Variants in ARHGEF16 observed in about 807,000 individuals in gnomAD.
The protein encoded by ARHGEF16 is Rho guanine exchange factor (GEF) 16.
A neutral mutation model predicts 74.1 loss-of-function variants in ARHGEF16; 59 were observed. That is an observed-to-expected ratio of 0.80 (90% confidence interval 0.65 to 0.99). The LOEUF is 0.99. Ranked by LOEUF, ARHGEF16 falls within the 50% of genes least tolerant of loss-of-function variation. ARHGEF16 has a pLI of 0.00. For synonymous variants in ARHGEF16, 415 were observed against 412.6 expected, an observed-to-expected ratio of 1.01 and a Z score of -0.07; for missense variants, 948 against 986.6, an observed-to-expected ratio of 0.96 and a Z score of 0.52.
chr1:3,456,379 T>A (rs966050553), intron 1 of ARHGEF16, among the ~76,000 whole-genome samples: 1 of 152,116 alleles, frequency 6.6e-6, no homozygotes, highest in Admixed American at 6.5e-5. Context: ...GGGTCTGAGT[T>A]TTAGTTTTGG....
chr1:3,479,510 T>A lies in ARHGEF16; in HGVS notation c.1815-7T>A. On this transcript the variant is annotated splice_region_variant and splice_polypyrimidine_tract_variant and intron_variant, in intron 12 of 14. Transcript: ENST00000378378. ...CAGGCCTGGCTCATGCTGTCTCTGG[T>A]CCCCAGGAGTGACCGGGCACGGTGG... 1.9e-6 allele frequency: 3 copies of A among 1,612,258 alleles called. No individual in the cohort carries two copies. The highest frequency in any genetic ancestry group is 2.5e-6 in the Non-Finnish European group (3 of 1,179,746).
chr1:3,469,685 GA>G, intron 6 of ARHGEF16, 92 bp downstream of exon 6: 1 of 1,519,314 alleles, frequency 6.6e-7, no homozygotes, highest in Non-Finnish European at 8.9e-7. Flanking sequence ...AGGCCCCTGG[GA>G]GCCTGCGCTG....
At position 3,467,244 on chromosome 1, in the gene ARHGEF16, G is replaced by A. The variant is rs1260665399; in HGVS notation, c.711G>A (p.Glu237=). The A allele has an allele frequency of 4.5e-6, 7 of 1,550,406 alleles. No homozygotes were observed. Among genetic ancestry groups the A allele is most frequent in the Non-Finnish European group, 6.1e-6 (7 of 1,146,878 alleles). ...SQESDDDILD[E]SSSPEGTQKV... ...AGTCTGATGACGACATCCTCGATGA[G>A]TCCTCCAGCCCCGAGGGAACCCAGA... The change falls in exon 4 of 15, where the codon GAG becomes GAA. Residue 237 remains glutamate (E), a synonymous_variant. Transcript: ENST00000378378.
chr1:3,463,886 G>A (rs577846347), intron 2 of ARHGEF16, among the ~76,000 whole-genome samples: 11 of 152,374 alleles, frequency 7.2e-5, no homozygotes, highest in Admixed American at 3.9e-4. Context: ...CGGAAAGGTC[G>A]AGGGTTCTAC....
At position 3,478,357 on chromosome 1, in the gene ARHGEF16, C is replaced by A. The variant is rs565332679; in HGVS notation, c.1626-67C>A. On this transcript the variant is annotated intron_variant, in intron 11 of 14. Coordinates refer to ENST00000378378, the MANE Select transcript of ARHGEF16 (RefSeq NM_014448.4). The stretch of plus-strand genomic sequence containing the variant: ...GCAGGGGAGCCGGGTGGGACCTGGA[C>A]GGGAGCCCAGCAGCACTGGGTAGGA... The A allele has an allele frequency of 2.7e-5, 41 of 1,503,064 alleles. No homozygotes were observed. The African/African-American group carries it at 5.7e-4, about 21-fold the overall frequency. 93.1% of individuals were successfully genotyped at this position (1,503,064 alleles called of 1,614,324 possible).
Position 3,463,297 on chromosome 1 carries a change from C to A in ARHGEF16, c.213C>A (p.Ile71=), listed in dbSNP as rs769716607. The change falls in exon 2 of 15, where the codon ATC becomes ATA. Residue 71 remains isoleucine (I), a synonymous_variant. Transcript: ENST00000378378. ...RPPGHEEPWP[I]VLSTESPAAL... ...CGGGGCACGAGGAGCCATGGCCCATCGTCCTGAGCACAGAGAGCCCGGCGG... is the reference window on the plus strand; with the variant it reads ...CGGGGCACGAGGAGCCATGGCCCATAGTCCTGAGCACAGAGAGCCCGGCGG... 6.5e-7 allele frequency: 1 copy of A among 1,550,180 alleles called. No homozygotes were observed. The highest frequency in any genetic ancestry group is 2.0e-5 in the Admixed American group (1 of 51,004).
intron 3 of ARHGEF16, chr1:3,466,837 A>ACCT: frequency 4.0e-6 from 1 of 249,504 alleles, no homozygotes; most frequent in Non-Finnish European, 7.7e-6. Flanking sequence ...TGGGCCCAGG[A>ACCT]GGGGGTACCC....
In ARHGEF16 at chr1:3,463,094, C is replaced by T. The variant is rs923250954; in HGVS notation, c.10C>T (p.Arg4Trp). 18 of 1,454,762 alleles carry T rather than the reference C, an allele frequency of 1.2e-5. No homozygotes were observed. Among genetic ancestry groups the T allele is most frequent in the East Asian group, 2.5e-5 (1 of 39,960 alleles). The allele number at this position is 1,454,762 out of a possible 1,614,324, so 90.1% of individuals were successfully genotyped here. A position where few individuals can be genotyped will look rare whatever the true frequency, so the allele number is the denominator to read the frequency against. Residue 4 changes from arginine to tryptophan, a missense_variant, in exon 2 of 15, where the codon CGG (arginine) becomes TGG (tryptophan). Physicochemically the swap from Arg to Trp is moderately radical, Grantham distance 101 (BLOSUM62 -3). Coordinates refer to ENST00000378378, the MANE Select transcript of ARHGEF16 (RefSeq NM_014448.4). MAQ[R>W]HSDSSLEEKL... ...CCCACAGCCGCCCAGCATGGCCCAG[C>T]GGCACTCAGACAGCTCCTTGGAGGA... is the stretch of plus-strand genomic sequence containing the variant.
Position 3,461,645 on chromosome 1 carries a change from G to A in ARHGEF16, c.-19-1421G>A, listed in dbSNP as rs560480793. On this transcript the variant is annotated intron_variant, in intron 1 of 14. Coordinates refer to ENST00000378378, the MANE Select transcript of ARHGEF16 (RefSeq NM_014448.4). ...GTGAAAGCTCACTGTGGGCCTGACCGCTGTGGCCGAGCAATGCGCCGTCAC... is the reference window on the plus strand; with the variant it reads ...GTGAAAGCTCACTGTGGGCCTGACCACTGTGGCCGAGCAATGCGCCGTCAC... Among the ~76,000 whole-genome samples the A allele has an allele frequency of 1.3e-3, 197 of 152,320 alleles. 1 individual carries two copies. Among genetic ancestry groups the A allele is most frequent in the Non-Finnish European group, 2.3e-3 (159 of 68,024 alleles).
chr1:3,466,291 C>T (rs1639541727), intron 3 of ARHGEF16, 98 bp downstream of exon 3: 9 of 1,323,724 alleles, frequency 6.8e-6, no homozygotes, highest in South Asian at 2.8e-5. Context: ...TTTGGTGTCT[C>T]GGGGTCACCA....
Position 3,463,325 on chromosome 1 carries a change from C to T in ARHGEF16, c.241C>T (p.Leu81Phe). ...CCTGAGCACAGAGAGCCCGGCGGCC[C>T]TCAAGCTGGGCACCCAACAGCTGAT... ...IVLSTESPAA[L>F]KLGTQQLIPK... The change falls in exon 2 of 15, where the codon CTC becomes TTC. Residue 81 changes from leucine (L) to phenylalanine (F), a missense_variant. By Grantham distance (22) the Leu-to-Phe change is conservative. Coordinates refer to ENST00000378378, the MANE Select transcript of ARHGEF16 (RefSeq NM_014448.4). The T allele has an allele frequency of 6.5e-7, 1 of 1,550,234 alleles. No individual in the cohort carries two copies. Among genetic ancestry groups the T allele is most frequent in the Non-Finnish European group, 8.7e-7 (1 of 1,146,896 alleles).
chr1:3,479,040 G>A lies in ARHGEF16; in HGVS notation c.1814+428G>A, dbSNP rs78910632. ...TGCTGGGGTGCAGCGACCCTGGCCGGTAGGGGCCAGTTCAGACAGCAGGGT... is the reference window on the plus strand; with the variant it reads ...TGCTGGGGTGCAGCGACCCTGGCCGATAGGGGCCAGTTCAGACAGCAGGGT... On this transcript the variant is annotated intron_variant, in intron 12 of 14. Coordinates refer to ENST00000378378, the MANE Select transcript of ARHGEF16 (RefSeq NM_014448.4). 6.6e-3 allele frequency among the ~76,000 whole-genome samples: 1,009 copies of A among 152,348 alleles called. 16 individuals carry two copies. The highest frequency in any genetic ancestry group is 0.023 in the African/African-American group (955 of 41,582).
chr1:3,480,747 C>T lies in ARHGEF16; in HGVS notation c.*160C>T, dbSNP rs77274399. 5.0e-5 allele frequency: 51 copies of T among 1,016,764 alleles called. No homozygotes were observed. The highest frequency in any genetic ancestry group is 2.0e-4 in the South Asian group (12 of 58,902). The allele number at this position is 1,016,764 out of a possible 1,614,324, so 63.0% of individuals were successfully genotyped here. A position where few individuals can be genotyped will look rare whatever the true frequency, so the allele number is the denominator to read the frequency against. ...GTGGTGCCGGGCTCCAGACACTTCA[C>T]GGAAGGAAGATCACATGTCCCCAGA... On this transcript the variant is annotated 3_prime_UTR_variant, in exon 15 of 15. Transcript: ENST00000378378.
intron 1 of ARHGEF16, among the ~76,000 whole-genome samples, chr1:3,462,255 G>A (rs1198381277): frequency 6.6e-6 from 1 of 152,200 alleles, no homozygotes; most frequent in African/African-American, 2.4e-5. Flanking sequence ...GGACTCTCGG[G>A]CTGGTGACTG....
intron 3 of ARHGEF16, 189 bp from the exon 4 acceptor site, chr1:3,466,979 A>G: frequency 3.5e-6 from 2 of 573,044 alleles, no homozygotes; most frequent in South Asian, 2.8e-5. Context: ...AGCCCATTTC[A>G]GGTGGGACTT....
Position 3,477,910 on chromosome 1 carries a change from G to A in ARHGEF16, c.1509G>A (p.Leu503=), listed in dbSNP as rs1458538812. ...LPLISASRWL[L]KRGELFLVEE... ...TGATCTCTGCCTCCCGGTGGCTGCT[G>A]AAGCGCGGAGAGCTGTTCTTAGTGG... The change falls in exon 11 of 15, where the codon CTG becomes CTA. Residue 503 remains leucine, a synonymous_variant. Coordinates refer to ENST00000378378, the MANE Select transcript of ARHGEF16 (RefSeq NM_014448.4). The A allele has an allele frequency of 1.2e-6, 2 of 1,612,680 alleles. No homozygotes were observed. The highest frequency in any genetic ancestry group is 3.3e-5 in the Admixed American group (2 of 60,022).
chr1:3,469,835 C>T (rs540044997), intron 6 of ARHGEF16, among the ~76,000 whole-genome samples: 98 of 152,292 alleles, frequency 6.4e-4, no homozygotes, highest in Middle Eastern at 3.4e-3. Flanking sequence ...GTTCTTAAGA[C>T]GTGGAGCACT....
chr1:3,460,850 C>T (rs1230979576), intron 1 of ARHGEF16, among the ~76,000 whole-genome samples: 1 of 152,160 alleles, frequency 6.6e-6, no homozygotes, highest in Non-Finnish European at 1.5e-5. Context: ...TCCCTGGGGC[C>T]TGGGAGGCTC....
chr1:3,477,123 G>A (rs1348144231), intron 10 of ARHGEF16, among the ~76,000 whole-genome samples: 5 of 151,756 alleles, frequency 3.3e-5, no homozygotes, highest in South Asian at 2.1e-4. Context: ...GCCGGGAGCG[G>A]GAGGTGCCGG....
Sources: allele counts gnomAD v4.1 joint callset (sites outside exome capture counted in the v4.1 genomes callset), GRCh38; gene constraint gnomAD v4.1.1; transcripts MANE v1.5; gene names NCBI Gene and HGNC (gene_info 2026-07-23, HGNC 2026-07-21).